ATP2C1: variants seen among roughly 807,000 people sequenced by gnomAD.
ATP2C1 encodes the protein ATPase secretory pathway Ca2+ transporting 1, also known as calcium-transporting ATPase type 2C member 1.
ATP2C1 carries 31 observed loss-of-function variants against 120.5 expected under a neutral mutation model. The observed-to-expected ratio is 0.26, with a 90% CI of 0.19 to 0.35. The LOEUF (loss-of-function observed/expected upper bound fraction) is 0.35. Ranked by LOEUF, ATP2C1 falls within the 10% of genes least tolerant of loss-of-function variation. The pLI is 1.00. For missense variants in ATP2C1, 731 were observed against 1,107.5 expected, an observed-to-expected ratio of 0.66 and a Z score of 4.83; for synonymous variants, 351 against 358.7, an observed-to-expected ratio of 0.98 and a Z score of 0.24.
chr3:130,953,808 T>G lies in ATP2C1; in HGVS notation c.532-13T>G, dbSNP rs927709338. 9 of 1,613,864 alleles carry G rather than the reference T, an allele frequency of 5.6e-6. No individual in the cohort carries two copies. The Admixed American group carries it at 1.3e-4, about 24-fold the overall frequency. On this transcript the variant is annotated splice_polypyrimidine_tract_variant and intron_variant, in intron 8 of 27. Coordinates refer to ENST00000510168, the MANE Select transcript of ATP2C1 (RefSeq NM_001378687.1). ...CACAAAATTTGAATCTGGGATTCTT[T>G]ATGTTCCCTAAGGCTGTGGATCTTT...
At chr3:130,965,275 A>G (rs1007104007) in intron 14 of ATP2C1, among the ~76,000 whole-genome samples, 1 of 151,944 alleles carries the variant, frequency 6.6e-6, no homozygotes, top group Non-Finnish European at 1.5e-5. Flanking sequence ...TCACCCCTTC[A>G]TCTATCCATA....
chr3:131,006,635 T>TTGTGTGTG (rs3073260), downstream of ATP2C1, among the ~76,000 whole-genome samples: 2 of 147,238 alleles, frequency 1.4e-5, no homozygotes, highest in African/African-American at 5.1e-5. Flanking sequence ...TAGTGTGTGT[T>TTGTGTGTG]TGTGTGTGTG....
chr3:130,926,652 A>C (rs1425227442), intron 2 of ATP2C1, among the ~76,000 whole-genome samples: 2 of 152,236 alleles, frequency 1.3e-5, no homozygotes, highest in African/African-American at 4.8e-5. Flanking sequence ...AAGTTTTTCT[A>C]CTAAGGCTAG....
intron 1 of ATP2C1, among the ~76,000 whole-genome samples, chr3:130,887,240 CT>C (rs1176087534): frequency 6.6e-6 from 1 of 152,214 alleles, no homozygotes; most frequent in Non-Finnish European, 1.5e-5. Context: ...TACTACCCCC[CT>C]GGCCCTCACT....
In ATP2C1 at chr3:130,978,750, C is replaced by T. The variant is rs914021274; in HGVS notation, c.1571-499C>T. On this transcript the variant is annotated intron_variant, in intron 18 of 27. Coordinates refer to ENST00000510168, the MANE Select transcript of ATP2C1 (RefSeq NM_001378687.1). ...GGAGTTTTCATGTACAAAGTTGTTA[C>T]AGGCTGTGTATAATTAACTAATACA... Among the ~76,000 whole-genome samples the T allele has an allele frequency of 3.9e-5, 6 of 152,180 alleles. No individual in the cohort carries two copies. The South Asian group carries it at 1.2e-3, about 32-fold the overall frequency.
chr3:130,909,735 C>T (rs2058301829), intron 2 of ATP2C1, among the ~76,000 whole-genome samples: 1 of 152,126 alleles, frequency 6.6e-6, no homozygotes, highest in African/African-American at 2.4e-5. Context: ...AATGCTTTTA[C>T]AGCTCTTTAA....
Position 130,996,126 on chromosome 3 carries a change from A to T in ATP2C1, c.2126+15A>T. 2 of 1,583,822 alleles carry T rather than the reference A, an allele frequency of 1.3e-6. No homozygotes were observed. Among genetic ancestry groups the T allele is most frequent in the Non-Finnish European group, 1.7e-6 (2 of 1,152,366 alleles). On this transcript the variant is annotated intron_variant, in intron 23 of 27. Transcript: ENST00000510168. ...CAGCTGAGCACGTAAGTTTGCAAGA[A>T]ATTTGTCACCATGGGTCTTCTGGAT...
chr3:130,896,912 C>T (rs2069679844), intron 2 of ATP2C1, among the ~76,000 whole-genome samples: 1 of 152,194 alleles, frequency 6.6e-6, no homozygotes, highest in African/African-American at 2.4e-5. Context: ...GGATTCGTCG[C>T]TTACCATTTG....
intron 8 of ATP2C1, 151 bp downstream of exon 8, chr3:130,941,850 T>C (rs2059935268): frequency 2.9e-6 from 2 of 689,760 alleles, no homozygotes; most frequent in South Asian, 3.5e-5. Flanking sequence ...TTTTTTTTCC[T>C]TAAAATGTAT....
intron 1 of ATP2C1, among the ~76,000 whole-genome samples, chr3:130,862,620 C>T (rs1341824823): frequency 6.6e-6 from 1 of 152,208 alleles, no homozygotes; most frequent in Non-Finnish European, 1.5e-5. Flanking sequence ...TACCCACATA[C>T]TTCAGGTGCT....
chr3:131,001,158 T>A, intron 27 of ATP2C1, 62 bp from the exon 28 acceptor site: 6 of 1,190,708 alleles, frequency 5.0e-6, no homozygotes, highest in Non-Finnish European at 7.4e-6. Context: ...AAATGTAAGC[T>A]ATTAAGCTTT....
Position 131,002,481 on chromosome 3 carries a change from A to G in ATP2C1, c.*1131A>G. On this transcript the variant is annotated 3_prime_UTR_variant, in exon 28 of 28. Coordinates refer to ENST00000510168, the MANE Select transcript of ATP2C1 (RefSeq NM_001378687.1). The stretch of plus-strand genomic sequence containing the variant: ...TGAGTATATCTCTTCTACTTTCATC[A>G]TGTGTTCTGTACCTTCTTTTTGTTT... 1.0e-6 allele frequency: 1 copy of G among 985,314 alleles called. No homozygotes were observed. The highest frequency in any genetic ancestry group is 1.2e-6 in the Non-Finnish European group (1 of 829,906). The allele number at this position is 985,314 out of a possible 1,614,324, so 61.0% of individuals were successfully genotyped here.
intron 1 of ATP2C1, among the ~76,000 whole-genome samples, chr3:130,870,603 A>T (rs1459074318): frequency 6.6e-6 from 1 of 152,232 alleles, no homozygotes; most frequent in Non-Finnish European, 1.5e-5. Context: ...GATAACTAGA[A>T]GTGGATCCTG....
intron 18 of ATP2C1, among the ~76,000 whole-genome samples, chr3:130,976,391 C>G (rs2061529908): frequency 6.6e-6 from 1 of 152,106 alleles, no homozygotes; most frequent in African/African-American, 2.4e-5. Context: ...TCTGAACCTT[C>G]TGTGCTGCTG....
At chr3:131,005,915 C>A (rs529088381), downstream of ATP2C1, among the ~76,000 whole-genome samples, 3 of 152,064 alleles carry the variant, frequency 2.0e-5, no homozygotes, top group East Asian at 5.8e-4. Flanking sequence ...TTTTTTGATA[C>A]ATGTAGTAAG....
At chr3:130,938,803 T>A (rs2059778874) in intron 6 of ATP2C1, among the ~76,000 whole-genome samples, 1 of 152,200 alleles carries the variant, frequency 6.6e-6, no homozygotes, top group South Asian at 2.1e-4. Flanking sequence ...AGTGCCCTAC[T>A]TCAGAAGGAT....
intron 8 of ATP2C1, among the ~76,000 whole-genome samples, chr3:130,949,689 C>T (rs956017213): frequency 2.0e-4 from 31 of 152,092 alleles, no homozygotes; most frequent in African/African-American, 6.3e-4. Flanking sequence ...GCATCTACCA[C>T]GGGATAAAAT....
intron 13 of ATP2C1, among the ~76,000 whole-genome samples, chr3:130,964,513 C>T (rs2060967954): frequency 6.6e-6 from 1 of 151,984 alleles, no homozygotes; most frequent in South Asian, 2.1e-4. Context: ...GTGCAATATG[C>T]TTTGAAACTC....
At chr3:130,899,025 T>G (rs2069899869) in intron 2 of ATP2C1, among the ~76,000 whole-genome samples, 1 of 152,166 alleles carries the variant, frequency 6.6e-6, no homozygotes, top group South Asian at 2.1e-4. Flanking sequence ...AAGGTTATCT[T>G]TATGCTTTTC....
Sources: allele counts gnomAD v4.1 joint callset (sites outside exome capture counted in the v4.1 genomes callset), GRCh38; gene constraint gnomAD v4.1.1; transcripts MANE v1.5; gene names NCBI Gene and HGNC (gene_info 2026-07-23, HGNC 2026-07-21).